TRIM63: variants seen among roughly 807,000 people sequenced by gnomAD.
TRIM63 encodes the protein E3 ubiquitin-protein ligase TRIM63.
A neutral mutation model predicts 46.0 loss-of-function variants in TRIM63; 48 were observed. That is an observed-to-expected ratio of 1.04 (90% CI 0.83 to 1.33). TRIM63 has a LOEUF of 1.33. Ranked by LOEUF, TRIM63 falls within the 40% of genes most tolerant of loss-of-function variation. TRIM63 has a pLI of 0.00. For synonymous variants in TRIM63, 175 were observed against 162.8 expected (o/e 1.08, Z -0.57); for missense variants, 455 against 441.2 (o/e 1.03, Z -0.28).
At chr1:26,052,615 C>T (rs2050532606) in intron 8 of TRIM63, among the ~76,000 whole-genome samples, 1 of 151,848 alleles carries the variant, frequency 6.6e-6, no homozygotes, top group African/African-American at 2.4e-5. Context: ...TACAGGTGCC[C>T]GTCACCACGC....
chr1:26,051,922 C>A (rs1265141930), intron 8 of TRIM63, 39 bp from the exon 9 acceptor site: 5 of 1,312,548 alleles, frequency 3.8e-6, no homozygotes, highest in South Asian at 3.1e-5. Context: ...AGGGGTGAGA[C>A]AGGGACTCAG....
intron 2 of TRIM63, among the ~76,000 whole-genome samples, chr1:26,063,663 C>T (rs2997445): frequency 0.24 from 36,813 of 152,178 alleles, 5,722 homozygotes; most frequent in African/African-American, 0.44. Context: ...AGATTGTTCT[C>T]TTACATTCAT....
At chr1:26,053,322 G>C (rs187182413) in intron 8 of TRIM63, among the ~76,000 whole-genome samples, 15 of 151,654 alleles carry the variant, frequency 9.9e-5, no homozygotes, top group Non-Finnish European at 1.8e-4. Flanking sequence ...GCACGATCTC[G>C]GCTCACTGCA....
Position 26,051,820 on chromosome 1 carries a change from C to T in TRIM63, c.*53G>A. 1 of 1,285,692 alleles carries T rather than the reference C, an allele frequency of 7.8e-7. No homozygotes were observed. Among genetic ancestry groups the T allele is most frequent in the Non-Finnish European group, 1.0e-6 (1 of 991,658 alleles). The allele number at this position is 1,285,692 out of a possible 1,614,324, so 79.6% of individuals were successfully genotyped here. A position where few individuals can be genotyped will look rare whatever the true frequency, so the allele number is the denominator to read the frequency against. On this transcript the variant is annotated 3_prime_UTR_variant, in exon 9 of 9. Transcript: ENST00000374272. ...CTGTCACCAAGGCCGCTGGGCCCCTCCCCACCCTCTCCAGTCTCTCTGCAT... is the reference window on the plus strand; with the variant it reads ...CTGTCACCAAGGCCGCTGGGCCCCTTCCCACCCTCTCCAGTCTCTCTGCAT...
intron 7 of TRIM63, 65 bp downstream of exon 7, chr1:26,057,138 G>A (rs1294023678): frequency 7.5e-6 from 12 of 1,596,882 alleles, no homozygotes; most frequent in Non-Finnish European, 6.8e-6. Flanking sequence ...GGGCTCAGTT[G>A]GAGGGATGCT....
chr1:26,053,789 C>A (rs529333985), intron 8 of TRIM63, 104 bp downstream of exon 8: 2 of 857,554 alleles, frequency 2.3e-6, no homozygotes, highest in East Asian at 5.4e-5. Context: ...CAGTTCTGAG[C>A]GTCATTGCCA....
chr1:26,054,174 G>A (rs896781377), intron 7 of TRIM63, among the ~76,000 whole-genome samples: 11 of 152,216 alleles, frequency 7.2e-5, no homozygotes, highest in African/African-American at 2.2e-4. Context: ...CCCGCACTCC[G>A]TCCCAGGGAG....
rs868006156 is a variant in TRIM63, at chr1:26,052,724, C to A, written c.1052-841G>T. Among the ~76,000 whole-genome samples, 3 of 152,238 alleles carry A rather than the reference C, an allele frequency of 2.0e-5. No homozygotes were observed. The South Asian group carries it at 6.2e-4, about 32-fold the overall frequency. On this transcript the variant is annotated intron_variant, in intron 8 of 8. Coordinates refer to ENST00000374272, the MANE Select transcript of TRIM63 (RefSeq NM_032588.4). ...TCAGGTGATCCGCCTGCCTCGGCCT[C>A]CCAAAGTGCTAGGATTACAGGCGTG...
chr1:26,051,618 T>C lies in TRIM63; in HGVS notation c.*255A>G, dbSNP rs1229042178. On this transcript the variant is annotated 3_prime_UTR_variant, in exon 9 of 9. Coordinates refer to ENST00000374272, the MANE Select transcript of TRIM63 (RefSeq NM_032588.4). ...TTTAAAAATGTACAAAATATTCCAT[T>C]TTGCACCAATGTAGAAAAGTGTCCT... 5 of 379,814 alleles carry C rather than the reference T, an allele frequency of 1.3e-5. No individual in the cohort carries two copies. In the Admixed American group the frequency reaches 2.3e-4, roughly 17 times the overall value. The allele number at this position is 379,814 out of a possible 1,614,324, so 23.5% of individuals were successfully genotyped here. A position where few individuals can be genotyped will look rare whatever the true frequency, so the allele number is the denominator to read the frequency against.
chr1:26,066,701 T>C (rs1332841808), intron 1 of TRIM63, among the ~76,000 whole-genome samples: 1 of 152,144 alleles, frequency 6.6e-6, no homozygotes, highest in Non-Finnish European at 1.5e-5. Context: ...AGCAACCTTA[T>C]CTGTGTAGGC....
chr1:26,054,039 G>A, intron 7 of TRIM63, 75 bp from the exon 8 acceptor site: 10 of 1,104,656 alleles, frequency 9.1e-6, no homozygotes, highest in Non-Finnish European at 1.3e-5. Flanking sequence ...CCAGGCAAGA[G>A]AGAGCACGGT....
intron 2 of TRIM63, among the ~76,000 whole-genome samples, chr1:26,062,096 C>A (rs1277326183): frequency 2.0e-5 from 3 of 151,874 alleles, no homozygotes; most frequent in African/African-American, 7.3e-5. Context: ...GATGAAACCC[C>A]GTCTCTACTA....
chr1:26,053,782 T>G, intron 8 of TRIM63, 111 bp downstream of exon 8: 1 of 831,740 alleles, frequency 1.2e-6, no homozygotes, highest in South Asian at 1.6e-5. Flanking sequence ...CTGGGGACAG[T>G]TCTGAGCGTC....
intron 4 of TRIM63, among the ~76,000 whole-genome samples, chr1:26,059,585 C>G (rs1557573266): frequency 6.6e-6 from 1 of 152,142 alleles, no homozygotes; most frequent in Admixed American, 6.5e-5. Flanking sequence ...AGACCGGGAG[C>G]CTCTCGTGGG....
At chr1:26,057,090 T>C in intron 7 of TRIM63, 113 bp downstream of exon 7, 1 of 1,362,386 alleles carries the variant, frequency 7.3e-7, no homozygotes, top group Non-Finnish European at 1.0e-6. Context: ...GTTTGATTGA[T>C]ATTTGGGGAT....
At chr1:26,057,896 A>G (rs1344149683) in intron 5 of TRIM63, among the ~76,000 whole-genome samples, 1 of 152,188 alleles carries the variant, frequency 6.6e-6, no homozygotes, top group Non-Finnish European at 1.5e-5. Flanking sequence ...TAGGGGTATC[A>G]ATCCCAAAAC....
chr1:26,065,181 G>A (rs1557576145), intron 2 of TRIM63, among the ~76,000 whole-genome samples: 5 of 152,046 alleles, frequency 3.3e-5, no homozygotes, highest in Admixed American at 1.3e-4. Flanking sequence ...GCGCCACCAC[G>A]CCTGGCTAAT....
chr1:26,052,562 G>T (rs1157869048), intron 8 of TRIM63, among the ~76,000 whole-genome samples: 1 of 152,140 alleles, frequency 6.6e-6, no homozygotes, highest in Non-Finnish European at 1.5e-5. Flanking sequence ...CCCCCCTGGG[G>T]TTCTAGCGAT....
intron 5 of TRIM63, 74 bp from the exon 6 acceptor site, chr1:26,057,724 C>T: frequency 6.7e-7 from 1 of 1,492,276 alleles, no homozygotes. Flanking sequence ...AACTAGTGAA[C>T]TAGGTGTTGT....
Sources: allele counts gnomAD v4.1 joint callset (sites outside exome capture counted in the v4.1 genomes callset), GRCh38; gene constraint gnomAD v4.1.1; transcripts MANE v1.5; gene names NCBI Gene and HGNC (gene_info 2026-07-23, HGNC 2026-07-21).